The following SYNGR4 variants were observed in gnomAD, a reference collection of about 807,000 sequenced individuals.
SYNGR4 encodes the protein synaptogyrin-4.
Under a neutral mutation model 15.5 loss-of-function variants are expected in SYNGR4, and 15 were observed. The ratio of observed to expected loss-of-function variants is 0.97; its 90% confidence interval spans 0.65 to 1.49. The LOEUF (loss-of-function observed/expected upper bound fraction) is 1.49. Ranked by LOEUF, SYNGR4 falls within the 40% of genes most tolerant of loss-of-function variation. The pLI is 0.00. For missense variants in SYNGR4, 292 were observed against 299.3 expected, an observed-to-expected ratio of 0.98 and a Z score of 0.18; for synonymous variants, 121 against 127.4, an observed-to-expected ratio of 0.95 and a Z score of 0.34.
intron 2 of SYNGR4, among the ~76,000 whole-genome samples, chr19:48,366,654 C>T (rs972671604): frequency 1.3e-5 from 2 of 152,018 alleles, no homozygotes. Context: ...GTTCTGCCCA[C>T]CTCAGCCTCC....
chr19:48,371,966 AC>A (rs201593799), intron 2 of SYNGR4, among the ~76,000 whole-genome samples: 9,866 of 151,298 alleles, frequency 0.065, 1,057 homozygotes, highest in African/African-American at 0.23. Flanking sequence ...TGCAGCCTCA[AC>A]CTCCTGGGCT....
chr19:48,375,966 C>T, intron 4 of SYNGR4, 119 bp from the exon 5 acceptor site: 1 of 1,552,000 alleles, frequency 6.4e-7, no homozygotes. Context: ...GGCTCCTGGG[C>T]AGTGAGCAGT....
At chr19:48,369,348 C>T (rs560042920) in intron 2 of SYNGR4, among the ~76,000 whole-genome samples, 76 of 152,318 alleles carry the variant, frequency 5.0e-4, no homozygotes, top group African/African-American at 1.8e-3. Context: ...CCTCAAATCT[C>T]CAGTGTCCCG....
intron 2 of SYNGR4, among the ~76,000 whole-genome samples, chr19:48,366,389 C>T (rs76219693): frequency 9.1e-6 from 1 of 109,804 alleles, no homozygotes; most frequent in Non-Finnish European, 1.9e-5. Context: ...GACTCCATCT[C>T]AAAAAAAAAA....
At chr19:48,367,702 A>C (rs375111546) in intron 2 of SYNGR4, among the ~76,000 whole-genome samples, 42 of 152,140 alleles carry the variant, frequency 2.8e-4, no homozygotes, top group African/African-American at 9.4e-4. Flanking sequence ...GCACCATGCC[A>C]CCGTTCATTT....
At chr19:48,370,959 G>A (rs2147406067) in intron 2 of SYNGR4, among the ~76,000 whole-genome samples, 1 of 152,224 alleles carries the variant, frequency 6.6e-6, no homozygotes. Flanking sequence ...TGACCCCAGA[G>A]GGCTTCTCTA....
chr19:48,371,218 TTCC>T (rs1221173264), intron 2 of SYNGR4, among the ~76,000 whole-genome samples: 1 of 152,210 alleles, frequency 6.6e-6, no homozygotes, highest in African/African-American at 2.4e-5. Flanking sequence ...GGGAATGCCC[TTCC>T]TCCTCTTGTC....
chr19:48,374,149 C>T (rs536274712), intron 3 of SYNGR4, among the ~76,000 whole-genome samples: 13 of 149,924 alleles, frequency 8.7e-5, no homozygotes, highest in Non-Finnish European at 1.5e-4. Context: ...ACAGTCTCGG[C>T]TCACTGCAAC....
At position 48,376,118 on chromosome 19, in the gene SYNGR4, C is replaced by T. The variant is rs756716248; in HGVS notation, c.505C>T (p.Arg169Ter). Reference sequence around the variant, plus strand: ...GGCCTACCTGGCATTCCAGGACCTCCGAAATGATGCTCCAGTCCCTTACAA... The same window carrying T: ...GGCCTACCTGGCATTCCAGGACCTCTGAAATGATGCTCCAGTCCCTTACAA... The part of the protein sequence containing the change: ...FQAYLAFQDL[R>*]NDAPVPYKRF... Residue 169 changes from arginine to a stop codon, truncating the protein, a stop_gained, in exon 5 of 5, where the codon CGA becomes TGA. Coordinates refer to ENST00000344846, the MANE Select transcript of SYNGR4 (RefSeq NM_012451.4). LOFTEE classifies it low-confidence loss of function (END_TRUNC). 8.1e-6 allele frequency: 13 copies of T among 1,613,946 alleles called. No homozygotes were observed. The highest frequency in any genetic ancestry group is 5.0e-5 in the Admixed American group (3 of 59,970).
chr19:48,368,491 T>C (rs1970252841), intron 2 of SYNGR4, among the ~76,000 whole-genome samples: 1 of 152,048 alleles, frequency 6.6e-6, no homozygotes, highest in Non-Finnish European at 1.5e-5. Context: ...GTTCAAGCAA[T>C]TCTTGTGCCT....
At chr19:48,369,836 C>T (rs1224316850) in intron 2 of SYNGR4, among the ~76,000 whole-genome samples, 2 of 152,212 alleles carry the variant, frequency 1.3e-5, no homozygotes, top group Admixed American at 6.5e-5. Context: ...CCAGCAGGGC[C>T]AGACACACCC....
chr19:48,368,980 A>G (rs1243923982), intron 2 of SYNGR4, among the ~76,000 whole-genome samples: 1 of 152,204 alleles, frequency 6.6e-6, no homozygotes, highest in Non-Finnish European at 1.5e-5. Flanking sequence ...ACCTATCTGG[A>G]AAGCCTCGGA....
chr19:48,375,869 G>T (rs1230028268), intron 4 of SYNGR4, 117 bp downstream of exon 4: 1 of 1,525,080 alleles, frequency 6.6e-7, no homozygotes, highest in South Asian at 1.3e-5. Context: ...GGGGTCGGGG[G>T]TTCCCCCAGG....
rs775283834 is a variant in SYNGR4, at chr19:48,365,875, C to T, written c.33C>T (p.Ala11=). Residue 11 remains alanine (A), a synonymous_variant, in exon 2 of 5, where the codon GCC becomes GCT. Coordinates refer to ENST00000344846, the MANE Select transcript of SYNGR4 (RefSeq NM_012451.4). MHIPKSLQEL[A]NSEAVQFLRR... ...TCCCCAAAAGCCTCCAGGAGCTGGC[C>T]AACAGCGAAGCCGTGCAGTTTCTGA... 3.1e-6 allele frequency: 5 copies of T among 1,613,918 alleles called. No individual in the cohort carries two copies. The South Asian group carries it at 5.5e-5, about 18-fold the overall frequency.
chr19:48,375,761 A>T lies in SYNGR4; in HGVS notation c.471+9A>T. The T allele has an allele frequency of 3.1e-6, 5 of 1,608,490 alleles. No individual in the cohort carries two copies. Among genetic ancestry groups the T allele is most frequent in the Non-Finnish European group, 4.3e-6 (5 of 1,175,670 alleles). On this transcript the variant is annotated intron_variant, in intron 4 of 4. Coordinates refer to ENST00000344846, the MANE Select transcript of SYNGR4 (RefSeq NM_012451.4). ...TCTCCATCCTTGTCTGGGTGAGGAC[A>T]AGCCCCTCCACCACCCCTCCCTAGG...
chr19:48,368,900 C>T (rs1569044579), intron 2 of SYNGR4, among the ~76,000 whole-genome samples: 1 of 152,218 alleles, frequency 6.6e-6, no homozygotes, highest in Non-Finnish European at 1.5e-5. Flanking sequence ...GAAACTGAGG[C>T]TCACAGAGGT....
At chr19:48,366,914 T>G (rs1005751666) in intron 2 of SYNGR4, among the ~76,000 whole-genome samples, 1 of 151,490 alleles carries the variant, frequency 6.6e-6, no homozygotes, top group African/African-American at 2.4e-5. Context: ...AGCACCTTGG[T>G]AGGCCAAGGC....
intron 3 of SYNGR4, among the ~76,000 whole-genome samples, chr19:48,375,092 A>G (rs996417844): frequency 2.0e-5 from 3 of 147,290 alleles, no homozygotes; most frequent in Non-Finnish European, 3.0e-5. Flanking sequence ...GAGGCGCAAT[A>G]TCAGCTCACT....
At position 48,375,849 on chromosome 19, in the gene SYNGR4, C is replaced by G; in HGVS notation, c.471+97C>G. On this transcript the variant is annotated intron_variant, in intron 4 of 4. Coordinates refer to ENST00000344846, the MANE Select transcript of SYNGR4 (RefSeq NM_012451.4). ...ACATTCCTGCTCTCACTTAGCTCCC[C>G]TGGGGGTCAGGGGTCGGGGGTTCCC... 7.1e-6 allele frequency: 11 copies of G among 1,547,794 alleles called. No homozygotes were observed. In the South Asian group the frequency reaches 1.2e-4, roughly 17 times the overall value.
Sources: gnomAD v4.1 joint callset for allele counts (sites outside exome capture counted in the v4.1 genomes callset) on GRCh38, gnomAD v4.1.1 for gene constraint, MANE v1.5 for transcripts, NCBI Gene and HGNC (gene_info 2026-07-23, HGNC 2026-07-21) for gene names.